QTMAN: variants seen among roughly 807,000 people sequenced by gnomAD.
The protein encoded by QTMAN is queuosine-tRNA mannosyltransferase, also known as tRNA-queuosine alpha-mannosyltransferase.
At chr2:144,073,866 A>G in the QTMAN span, among the ~76,000 whole-genome samples, 1 of 152,094 alleles carries the variant, frequency 6.6e-6, no homozygotes, top group Non-Finnish European at 1.5e-5. Context: ...AAACTCATGG[A>G]CTCCGCAAGG....
chr2:144,296,662 C>T, the QTMAN span, among the ~76,000 whole-genome samples: 1 of 152,130 alleles, frequency 6.6e-6, no homozygotes, highest in Non-Finnish European at 1.5e-5. Flanking sequence ...AAAATTACCC[C>T]GATTTCTGAA....
At chr2:144,008,597 A>C in the QTMAN span, among the ~76,000 whole-genome samples, 12 of 152,174 alleles carry the variant, frequency 7.9e-5, no homozygotes, top group Admixed American at 3.9e-4. Flanking sequence ...AGCCCCATCC[A>C]GAAACTTGGC....
the QTMAN span, among the ~76,000 whole-genome samples, chr2:144,202,161 A>G: frequency 2.6e-5 from 4 of 152,204 alleles, no homozygotes; most frequent in Admixed American, 6.5e-5. Flanking sequence ...ATGTGCCCCA[A>G]AGAGGGTAGT....
the QTMAN span, among the ~76,000 whole-genome samples, chr2:144,279,945 G>A: frequency 1.3e-5 from 2 of 152,128 alleles, no homozygotes; most frequent in Non-Finnish European, 2.9e-5. Flanking sequence ...TGTGGCAAGG[G>A]GGTGGGGCTG....
the QTMAN span, among the ~76,000 whole-genome samples, chr2:144,285,344 T>C: frequency 3.3e-5 from 5 of 152,184 alleles, no homozygotes; most frequent in Non-Finnish European, 7.3e-5. Context: ...ACTCATACAC[T>C]TTCATCAACC....
chr2:144,308,670 A>G, the QTMAN span, among the ~76,000 whole-genome samples: 31 of 152,016 alleles, frequency 2.0e-4, no homozygotes, highest in East Asian at 9.7e-4. Flanking sequence ...TTAATCAAAG[A>G]TTTCTTAGAC....
the QTMAN span, chr2:144,011,743 A>G: frequency 1.0e-6 from 1 of 985,094 alleles, no homozygotes; most frequent in Admixed American, 6.2e-5. Flanking sequence ...TAATTCAATG[A>G]CGTGACTATG....
chr2:144,307,997 A>G, the QTMAN span, among the ~76,000 whole-genome samples: 1 of 152,354 alleles, frequency 6.6e-6, no homozygotes, highest in African/African-American at 2.4e-5. Context: ...ATATGGAAAT[A>G]GAAAAGACTT....
chr2:143,982,779 G>A, the QTMAN span, among the ~76,000 whole-genome samples: 5 of 149,548 alleles, frequency 3.3e-5, no homozygotes, highest in Admixed American at 1.3e-4. Flanking sequence ...GAGAACCTCC[G>A]TGTGGTGGAG....
chr2:144,106,360 C>T, the QTMAN span, among the ~76,000 whole-genome samples: 1 of 152,126 alleles, frequency 6.6e-6, no homozygotes, highest in African/African-American at 2.4e-5. Context: ...TCAGGAGACC[C>T]ATCTCACATG....
chr2:144,328,214 G>C, the QTMAN span, among the ~76,000 whole-genome samples: 1 of 152,132 alleles, frequency 6.6e-6, no homozygotes. Context: ...GCCTCCCAAA[G>C]TGCTGAGATT....
At chr2:144,103,910 C>T in the QTMAN span, among the ~76,000 whole-genome samples, 27 of 152,052 alleles carry the variant, frequency 1.8e-4, no homozygotes, top group African/African-American at 6.0e-4. Context: ...GCCAACATGG[C>T]AAAACCCTGT....
the QTMAN span, among the ~76,000 whole-genome samples, chr2:144,193,832 A>G: frequency 6.6e-6 from 1 of 152,100 alleles, no homozygotes; most frequent in Admixed American, 6.6e-5. Flanking sequence ...CAGCACCCCC[A>G]AATATTTGAT....
At chr2:144,318,194 A>AACACACAC in the QTMAN span, among the ~76,000 whole-genome samples, 1,333 of 141,990 alleles carry the variant, frequency 9.4e-3, 16 homozygotes, top group African/African-American at 0.031. Flanking sequence ...TATTTAAATA[A>AACACACAC]ACACACACAC....
At chr2:144,205,926 A>G in the QTMAN span, among the ~76,000 whole-genome samples, 6 of 152,234 alleles carry the variant, frequency 3.9e-5, no homozygotes, top group African/African-American at 1.4e-4. Flanking sequence ...AAGAATAACA[A>G]TAACTATTGA....
chr2:144,165,060 T>C, the QTMAN span, among the ~76,000 whole-genome samples: 1 of 152,266 alleles, frequency 6.6e-6, no homozygotes, highest in East Asian at 1.9e-4. Context: ...AGAAGGTTCC[T>C]GTTCAAAATT....
the QTMAN span, chr2:144,142,125 A>G: frequency 3.8e-6 from 4 of 1,046,914 alleles, no homozygotes; most frequent in Admixed American, 4.1e-5. Flanking sequence ...TCAACCTAAG[A>G]CCTCTATGGA....
chr2:144,176,725 C>A, the QTMAN span, among the ~76,000 whole-genome samples: 2 of 152,040 alleles, frequency 1.3e-5, no homozygotes, highest in Non-Finnish European at 2.9e-5. Context: ...TTAAAATGGA[C>A]AAGGCCTGTA....
At chr2:144,217,359 G>A in the QTMAN span, among the ~76,000 whole-genome samples, 1 of 151,346 alleles carries the variant, frequency 6.6e-6, no homozygotes, top group East Asian at 1.9e-4. Context: ...TACAATATAA[G>A]TTAAAAAAAA....
Sources: gnomAD v4.1 joint callset for allele counts (sites outside exome capture counted in the v4.1 genomes callset) on GRCh38, gnomAD v4.1.1 for gene constraint, MANE v1.5 for transcripts, NCBI Gene and HGNC (gene_info 2026-07-23, HGNC 2026-07-21) for gene names.